Variants in TBC1D5 observed in about 807,000 individuals in gnomAD.
TBC1D5 encodes TBC1 domain family, member 5.
A neutral mutation model predicts 100.3 loss-of-function variants in TBC1D5; 75 were observed. That is an observed-to-expected ratio of 0.75 (90% CI 0.62 to 0.91). TBC1D5 has a LOEUF of 0.91. Among genes scored for constraint, TBC1D5 ranks in the 40% least tolerant of loss-of-function variants. The pLI is 0.00. For synonymous variants in TBC1D5, 323 were observed against 325.6 expected (o/e 0.99, Z 0.09); for missense variants, 910 against 942.4 (o/e 0.97, Z 0.45).
intron 1 of TBC1D5, among the ~76,000 whole-genome samples, chr3:17,698,614 A>G (rs1298874535): frequency 2.0e-5 from 3 of 146,496 alleles, no homozygotes; most frequent in African/African-American, 5.0e-5. Context: ...GCAACCTACA[A>G]AATGGGAGAA....
At chr3:17,702,957 C>A (rs962608076) in intron 1 of TBC1D5, among the ~76,000 whole-genome samples, 37 of 152,092 alleles carry the variant, frequency 2.4e-4, no homozygotes, top group African/African-American at 8.4e-4. Flanking sequence ...CAAACTAGAC[C>A]ATAGCTATAT....
intron 2 of TBC1D5, among the ~76,000 whole-genome samples, chr3:17,536,684 G>C (rs772301570): frequency 1.3e-5 from 2 of 152,154 alleles, no homozygotes; most frequent in African/African-American, 2.4e-5. Flanking sequence ...GCATGTTAGG[G>C]AGATAGGAGT....
At chr3:17,486,376 C>A (rs531304146) in intron 3 of TBC1D5, among the ~76,000 whole-genome samples, 1 of 152,268 alleles carries the variant, frequency 6.6e-6, no homozygotes, top group South Asian at 2.1e-4. Flanking sequence ...GCTTTTGTTG[C>A]CATTGCTTTT....
chr3:17,383,861 T>A, intron 9 of TBC1D5, 52 bp downstream of exon 9: 2 of 1,388,996 alleles, frequency 1.4e-6, no homozygotes, highest in Non-Finnish European at 2.0e-6. Flanking sequence ...TTTGTCAAGC[T>A]GTATAGAAAA....
intron 21 of TBC1D5, among the ~76,000 whole-genome samples, chr3:17,165,245 C>CA (rs2066477381): frequency 6.6e-6 from 1 of 152,138 alleles, no homozygotes; most frequent in Admixed American, 6.5e-5. Context: ...ATGACAACTG[C>CA]AAAGTATAAT....
chr3:17,340,759 G>A (rs541604241), intron 13 of TBC1D5: 2 of 152,228 alleles, frequency 1.3e-5, no homozygotes, highest in African/African-American at 4.8e-5. Flanking sequence ...AGTCAATGAT[G>A]GGGTGGGGAG....
chr3:17,489,946 A>T (rs2095617937), intron 3 of TBC1D5, among the ~76,000 whole-genome samples: 1 of 152,164 alleles, frequency 6.6e-6, no homozygotes, highest in Non-Finnish European at 1.5e-5. Flanking sequence ...ACAATGGTGG[A>T]ATTTACATTC....
chr3:17,725,340 T>C (rs1484311589), intron 1 of TBC1D5, among the ~76,000 whole-genome samples: 1 of 151,988 alleles, frequency 6.6e-6, no homozygotes, highest in Non-Finnish European at 1.5e-5. Context: ...GAACTGCAAA[T>C]CCAAGAGAGA....
chr3:17,341,246 G>A (rs886876636), intron 13 of TBC1D5, among the ~76,000 whole-genome samples: 2 of 152,042 alleles, frequency 1.3e-5, no homozygotes, highest in Non-Finnish European at 2.9e-5. Context: ...GCCCAGGCTG[G>A]AGTGCAGTGG....
At chr3:17,428,405 G>A in intron 4 of TBC1D5, 45 bp downstream of exon 4, 4 of 495,566 alleles carry the variant, frequency 8.1e-6, no homozygotes, top group South Asian at 7.7e-5. Flanking sequence ...ATGTGTGTGT[G>A]TGTGTGTATA....
At chr3:17,285,096 C>G (rs1051864988) in intron 15 of TBC1D5, among the ~76,000 whole-genome samples, 3 of 150,550 alleles carry the variant, frequency 2.0e-5, no homozygotes, top group Non-Finnish European at 4.4e-5. Context: ...GTAATGGAAA[C>G]AATCTTGCTG....
chr3:17,254,474 C>T (rs149309501), intron 16 of TBC1D5, among the ~76,000 whole-genome samples: 2 of 152,146 alleles, frequency 1.3e-5, no homozygotes, highest in African/African-American at 2.4e-5. Flanking sequence ...TAATGTTGAA[C>T]ATCTTTTCAT....
intron 3 of TBC1D5, among the ~76,000 whole-genome samples, chr3:17,479,212 C>A (rs560428738): frequency 3.7e-4 from 56 of 152,026 alleles, no homozygotes; most frequent in Non-Finnish European, 4.6e-4. Flanking sequence ...CCAGACTGGG[C>A]AAAGTACTGA....
At chr3:17,247,439 A>G (rs2076826690) in intron 16 of TBC1D5, among the ~76,000 whole-genome samples, 1 of 152,206 alleles carries the variant, frequency 6.6e-6, no homozygotes. Context: ...AAGGAAAAAT[A>G]CTAATTAAAA....
Position 17,486,722 on chromosome 3 carries a change from A to C in TBC1D5, c.97+21752T>G, listed in dbSNP as rs528952926. Reference sequence around the variant, plus strand: ...ACTAACAGCACACTGTGGCATTTTAAGTAGCCCACCTAGCATCTTCACCCT... The same window carrying C: ...ACTAACAGCACACTGTGGCATTTTACGTAGCCCACCTAGCATCTTCACCCT... On this transcript the variant is annotated intron_variant, in intron 3 of 21. Coordinates refer to ENST00000253692, the Ensembl canonical transcript of TBC1D5. 2.2e-3 allele frequency among the ~76,000 whole-genome samples: 338 copies of C among 152,296 alleles called. 1 individual carries two copies. The highest frequency in any genetic ancestry group is 3.9e-3 in the Admixed American group (59 of 15,294).
chr3:17,332,382 A>G (rs2087000638), intron 13 of TBC1D5, among the ~76,000 whole-genome samples: 1 of 152,178 alleles, frequency 6.6e-6, no homozygotes, highest in African/African-American at 2.4e-5. Context: ...TCAATAATGC[A>G]GTTTTGGCCA....
intron 13 of TBC1D5, among the ~76,000 whole-genome samples, chr3:17,344,119 C>T (rs2151479897): frequency 6.6e-6 from 1 of 152,220 alleles, no homozygotes; most frequent in East Asian, 1.9e-4. Flanking sequence ...ATAAATTTCC[C>T]AAATTGTCCC....
At chr3:17,648,597 T>A (rs532439430) in intron 1 of TBC1D5, among the ~76,000 whole-genome samples, 8 of 152,264 alleles carry the variant, frequency 5.3e-5, no homozygotes, top group Admixed American at 2.0e-4. Flanking sequence ...AGGTCTACCA[T>A]CCAGCATCTA....
intron 3 of TBC1D5, among the ~76,000 whole-genome samples, chr3:17,471,248 C>G (rs776939916): frequency 1.3e-5 from 2 of 152,060 alleles, no homozygotes; most frequent in South Asian, 2.1e-4. Context: ...CTTCTTTTGA[C>G]CTATACGTAA....
Sources: gnomAD v4.1 joint callset for allele counts (sites outside exome capture counted in the v4.1 genomes callset) on GRCh38, gnomAD v4.1.1 for gene constraint, MANE v1.5 for transcripts, NCBI Gene and HGNC (gene_info 2026-07-23, HGNC 2026-07-21) for gene names.